RTN1: variants seen among roughly 807,000 people sequenced by gnomAD.
RTN1 encodes the protein reticulon 1, also known as reticulon-1.
A neutral mutation model predicts 65.5 loss-of-function variants in RTN1; 25 were observed. The observed-to-expected ratio is 0.38, with a 90% CI of 0.28 to 0.53. The LOEUF is 0.53. Ranked by LOEUF, RTN1 falls within the 20% of genes least tolerant of loss-of-function variation. The probability of loss-of-function intolerance (pLI) is 0.79; values close to 1 mark genes in which losing one functional copy is unlikely to be tolerated. For missense variants in RTN1, 983 were observed against 1,025.4 expected (o/e 0.96, Z 0.57); for synonymous variants, 471 against 447.6 (o/e 1.05, Z -0.66).
At chr14:59,737,316 G>T (rs1221750897) in intron 2 of RTN1, among the ~76,000 whole-genome samples, 1 of 152,140 alleles carries the variant, frequency 6.6e-6, no homozygotes, top group Non-Finnish European at 1.5e-5. Context: ...CTTCAGCAAA[G>T]TCTCAGGATA....
At chr14:59,765,661 T>C (rs938756977) in intron 1 of RTN1, among the ~76,000 whole-genome samples, 34 of 152,154 alleles carry the variant, frequency 2.2e-4, no homozygotes, top group Admixed American at 2.2e-3. Flanking sequence ...CTTTGTTCTG[T>C]AAGATTTTAT....
chr14:59,769,494 C>T lies in RTN1; in HGVS notation c.242-23013G>A, dbSNP rs148721835. 2.9e-4 allele frequency among the ~76,000 whole-genome samples: 44 copies of T among 152,238 alleles called. No homozygotes were observed. The East Asian group carries it at 7.5e-3, about 26-fold the overall frequency. ...TTGCCTCTAGAATTCCAGAATAAATCCTGAGAACTATGTTGGAAACCCTGA... is the reference window on the plus strand; with the variant it reads ...TTGCCTCTAGAATTCCAGAATAAATTCTGAGAACTATGTTGGAAACCCTGA... On this transcript the variant is annotated intron_variant, in intron 1 of 8. Coordinates refer to ENST00000267484, the MANE Select transcript of RTN1 (RefSeq NM_021136.3).
intron 3 of RTN1, among the ~76,000 whole-genome samples, chr14:59,673,146 G>A (rs1883546894): frequency 6.6e-6 from 1 of 152,168 alleles, no homozygotes; most frequent in Non-Finnish European, 1.5e-5. Flanking sequence ...TAATGTTACA[G>A]GATCCCTTTG....
intron 1 of RTN1, among the ~76,000 whole-genome samples, chr14:59,862,254 A>G (rs1324636897): frequency 6.6e-6 from 1 of 152,140 alleles, no homozygotes. Flanking sequence ...CTAGGCCATT[A>G]TGTCCCTTCC....
In RTN1 at chr14:59,784,175, A is replaced by C. The variant is rs144142225; in HGVS notation, c.242-37694T>G. Among the ~76,000 whole-genome samples, 23 of 152,342 alleles carry C rather than the reference A, an allele frequency of 1.5e-4. No homozygotes were observed. In the East Asian group the frequency reaches 4.2e-3, roughly 28 times the overall value. On this transcript the variant is annotated intron_variant, in intron 1 of 8. Transcript: ENST00000267484. ...TATCACTGGCCAGGCGTGGTGGCTC[A>C]TGCCTGTAATCCCAGCACTTTGGGA...
chr14:59,709,791 T>G (rs1231231171), intron 3 of RTN1, among the ~76,000 whole-genome samples: 2 of 152,192 alleles, frequency 1.3e-5, no homozygotes, highest in Non-Finnish European at 2.9e-5. Flanking sequence ...AAGCATTTTA[T>G]GTAAGAGGGA....
At chr14:59,826,268 ACT>A (rs1019139030) in intron 1 of RTN1, among the ~76,000 whole-genome samples, 2 of 152,032 alleles carry the variant, frequency 1.3e-5, no homozygotes, top group Non-Finnish European at 2.9e-5. Context: ...GGAAAGTGAA[ACT>A]CTCTGTGCCT....
rs564827989 is a variant in RTN1 at position 59,639,980 on chromosome 14, T to C, written c.1766-32488A>G. Among the ~76,000 whole-genome samples the C allele has an allele frequency of 1.6e-4, 25 of 152,338 alleles. No homozygotes were observed. In the South Asian group the frequency reaches 4.6e-3, roughly 28 times the overall value. On this transcript the variant is annotated intron_variant, in intron 3 of 8. Coordinates refer to ENST00000267484, the MANE Select transcript of RTN1 (RefSeq NM_021136.3). ...TATCCATATTGAAGAAATATTGTCCTTCAATTTTCTTTTCTTGCAATATGC... is the reference window on the plus strand; with the variant it reads ...TATCCATATTGAAGAAATATTGTCCCTCAATTTTCTTTTCTTGCAATATGC...
chr14:59,718,689 A>G (rs879699490), intron 3 of RTN1, among the ~76,000 whole-genome samples: 1 of 152,224 alleles, frequency 6.6e-6, no homozygotes, highest in Non-Finnish European at 1.5e-5. Flanking sequence ...TTTCAGTGCT[A>G]TCATAATCCA....
rs146771100 is a variant in RTN1, at chr14:59,827,290, A to G, written c.241+43100T>C. 3.6e-3 allele frequency among the ~76,000 whole-genome samples: 554 copies of G among 152,192 alleles called. 2 individuals carry two copies. Among genetic ancestry groups the G allele is most frequent in the African/African-American group, 0.012 (515 of 41,548 alleles). On this transcript the variant is annotated intron_variant, in intron 1 of 8. Transcript: ENST00000267484. ...AGATGGGGTTTCACCGTGTTAGCCA[A>G]GATGGTCTCAATCTCCTGACCTCGT...
chr14:59,658,935 C>T (rs1883182682), intron 3 of RTN1, among the ~76,000 whole-genome samples: 1 of 152,102 alleles, frequency 6.6e-6, no homozygotes, highest in Non-Finnish European at 1.5e-5. Flanking sequence ...ACAAAATCCT[C>T]TGAGCTAAAG....
chr14:59,726,858 G>A (rs1884771441), intron 3 of RTN1, 61 bp downstream of exon 3: 1 of 1,458,688 alleles, frequency 6.9e-7, no homozygotes, highest in African/African-American at 1.4e-5. Context: ...CGCCCCTGCT[G>A]AATGCTCAGA....
At chr14:59,640,118 G>T (rs1882745971) in intron 3 of RTN1, among the ~76,000 whole-genome samples, 1 of 152,122 alleles carries the variant, frequency 6.6e-6, no homozygotes, top group African/African-American at 2.4e-5. Flanking sequence ...ATGTAAGATG[G>T]TATTATTTCA....
intron 3 of RTN1, among the ~76,000 whole-genome samples, chr14:59,608,608 C>A (rs1440439958): frequency 6.6e-6 from 1 of 152,164 alleles, no homozygotes; most frequent in Non-Finnish European, 1.5e-5. Flanking sequence ...TAAATCAGGT[C>A]TAAAAGAGTC....
intron 1 of RTN1, among the ~76,000 whole-genome samples, chr14:59,827,056 T>C (rs966115384): frequency 6.6e-6 from 1 of 151,296 alleles, no homozygotes; most frequent in African/African-American, 2.5e-5. Context: ...AGGACATGTG[T>C]ATATGTGTTT....
chr14:59,695,451 C>T (rs779752297), intron 3 of RTN1, among the ~76,000 whole-genome samples: 7 of 152,266 alleles, frequency 4.6e-5, no homozygotes, highest in South Asian at 2.1e-4. Flanking sequence ...TAGCTAGGGC[C>T]GTTTTGTGCC....
chr14:59,814,501 T>C (rs952100354), intron 1 of RTN1, among the ~76,000 whole-genome samples: 1 of 152,214 alleles, frequency 6.6e-6, no homozygotes, highest in Admixed American at 6.5e-5. Flanking sequence ...GCAGCTTCTC[T>C]GGAAAGGCAG....
intron 2 of RTN1, among the ~76,000 whole-genome samples, chr14:59,742,016 G>A (rs902996139): frequency 6.6e-6 from 1 of 152,124 alleles, no homozygotes; most frequent in African/African-American, 2.4e-5. Flanking sequence ...GGTAAGCTGT[G>A]CAAGGGCAGG....
In RTN1 at chr14:59,727,188, C is replaced by G; in HGVS notation, c.1496G>C (p.Arg499Pro). ...PMKPSALDAI[R>P]EETGVRAEER... is the part of the protein sequence containing the mutation. ...CTCGGCCCGGACGCCAGTCTCCTCCCGGATGGCATCCAGGGCGCTGGGCTT... is the reference window on the plus strand; with the variant it reads ...CTCGGCCCGGACGCCAGTCTCCTCCGGGATGGCATCCAGGGCGCTGGGCTT... The change falls in exon 3 of 9, where the codon CGG (arginine) becomes CCG (proline). Residue 499 changes from arginine to proline, a missense_variant. Coordinates refer to ENST00000267484, the MANE Select transcript of RTN1 (RefSeq NM_021136.3). The surrounding 1 kb of genome is among the most constrained non-coding windows in gnomAD (Gnocchi z 4.2). 1 of 1,586,344 alleles carries G rather than the reference C, an allele frequency of 6.3e-7. No homozygotes were observed. Among genetic ancestry groups the G allele is most frequent in the Non-Finnish European group, 8.6e-7 (1 of 1,166,412 alleles).
Sources: gnomAD v4.1 joint callset for allele counts (sites outside exome capture counted in the v4.1 genomes callset) on GRCh38, gnomAD v4.1.1 for gene constraint, Gnocchi (gnomAD v3.1) non-coding constraint, MANE v1.5 for transcripts, NCBI Gene and HGNC (gene_info 2026-07-23, HGNC 2026-07-21) for gene names.